Variants in B4GALT1 observed in about 807,000 individuals in gnomAD.
B4GALT1 encodes N-acetyllactosamine synthase.
A neutral mutation model predicts 34.9 loss-of-function variants in B4GALT1; 16 were observed. That is an observed-to-expected ratio of 0.46 (90% CI 0.31 to 0.70). The LOEUF (loss-of-function observed/expected upper bound fraction) is 0.70. B4GALT1 is among the 30% of genes least tolerant of loss of function. B4GALT1 has a pLI of 0.05. For synonymous variants in B4GALT1, 221 were observed against 218.1 expected, an observed-to-expected ratio of 1.01 and a Z score of -0.12; for missense variants, 445 against 530.5, an observed-to-expected ratio of 0.84 and a Z score of 1.58.
chr9:33,118,136 A>G (rs770192667), intron 3 of B4GALT1, among the ~76,000 whole-genome samples: 1 of 152,210 alleles, frequency 6.6e-6, no homozygotes, highest in Non-Finnish European at 1.5e-5. Context: ...AAGAAGATAC[A>G]CACACGGAGA....
chr9:33,147,245 CTTT>C lies in B4GALT1; in HGVS notation c.413-11824_413-11822del, dbSNP rs59219360. On this transcript the variant is annotated intron_variant, in intron 1 of 5. Coordinates refer to ENST00000379731, the MANE Select transcript of B4GALT1 (RefSeq NM_001497.4). ...CACTCTAAGAGGAAGACAAGTCATT[CTTT>C]TTTTTTTTTTTTTTTTCCCCCTGAG... 4.9e-3 allele frequency among the ~76,000 whole-genome samples: 674 copies of C among 136,518 alleles called. 3 individuals are homozygous for C. Among genetic ancestry groups the C allele is most frequent in the African/African-American group, 0.01 (369 of 36,488 alleles). The allele number at this position is 136,518 out of a possible 152,430, so 89.6% of individuals were successfully genotyped here.
Position 33,167,009 on chromosome 9 carries a change from A to C in B4GALT1, c.161T>G (p.Val54Gly). ...GRDLSRLPQL[V>G]GVSTPLQGGS... ...GCCCTGCAGCGGTGTGGAGACTCCG[A>C]CCAGTTGGGGCAGGCGGCTCAGGTC... Residue 54 changes from valine to glycine, a missense_variant, in exon 1 of 6, where the codon GTC becomes GGC. Val to Gly is a moderately radical substitution (Grantham distance 109, BLOSUM62 -3). Around this residue, in one of 3 missense-constraint regions of B4GALT1, gnomAD observed 349 missense variants for 395.5 expected, o/e 0.88. Transcript: ENST00000379731. The C allele has an allele frequency of 4.4e-6, 7 of 1,597,238 alleles. No homozygotes were observed. The highest frequency in any genetic ancestry group is 5.9e-6 in the Non-Finnish European group (7 of 1,177,654).
At position 33,135,299 on chromosome 9, in the gene B4GALT1, T is replaced by C. The variant is rs201564406; in HGVS notation, c.538A>G (p.Ile180Val). 85 of 1,614,078 alleles carry C rather than the reference T, an allele frequency of 5.3e-5. No individual in the cohort carries two copies. The highest frequency in any genetic ancestry group is 6.8e-5 in the Non-Finnish European group (80 of 1,180,048). The change falls in exon 2 of 6, where the codon ATC becomes GTC. Residue 180 changes from isoleucine (I) to valine (V), a missense_variant. This residue lies in a region of B4GALT1 where 349 missense variants were observed against 395.5 expected (regional missense o/e 0.88). Transcript: ENST00000379731. Reference sequence around the variant, plus strand: ...TGCCGGTTGCGGAATGGAATGATGATGGCCACCTTGTGAGGAGAGACGCAG... The same window carrying C: ...TGCCGGTTGCGGAATGGAATGATGACGGCCACCTTGTGAGGAGAGACGCAG... ...RDCVSPHKVA[I>V]IIPFRNRQEH... is the part of the protein sequence containing the mutation.
intron 4 of B4GALT1, among the ~76,000 whole-genome samples, 168 bp from the exon 5 acceptor site, chr9:33,114,046 C>G (rs1839904955): frequency 6.6e-6 from 1 of 152,234 alleles, no homozygotes; most frequent in Non-Finnish European, 1.5e-5. Context: ...GGTTAAAACT[C>G]ACATTCCGAC....
At chr9:33,182,126 G>T in the B4GALT1 span, among the ~76,000 whole-genome samples, 4 of 152,186 alleles carry the variant, frequency 2.6e-5, no homozygotes, top group Middle Eastern at 3.4e-3. Context: ...AAAACTCTAA[G>T]AAAGAATTCT....
intron 1 of B4GALT1, among the ~76,000 whole-genome samples, chr9:33,151,053 G>A (rs1840510557): frequency 6.6e-6 from 1 of 152,152 alleles, no homozygotes; most frequent in Non-Finnish European, 1.5e-5. Flanking sequence ...GTACAAAGGA[G>A]GGGGACCCCA....
At chr9:33,144,887 A>T (rs750708762) in intron 1 of B4GALT1, among the ~76,000 whole-genome samples, 14 of 152,220 alleles carry the variant, frequency 9.2e-5, no homozygotes, top group Non-Finnish European at 2.1e-4. Flanking sequence ...GTATTGACCC[A>T]CACTGCACTT....
intron 1 of B4GALT1, among the ~76,000 whole-genome samples, chr9:33,143,197 C>T (rs1006132504): frequency 5.9e-5 from 9 of 152,000 alleles, no homozygotes; most frequent in Admixed American, 5.2e-4. Context: ...AGACAAGGTC[C>T]ACACAGCAGA....
At chr9:33,178,665 A>G in the B4GALT1 span, among the ~76,000 whole-genome samples, 1 of 152,188 alleles carries the variant, frequency 6.6e-6, no homozygotes, top group Non-Finnish European at 1.5e-5. Flanking sequence ...TATACCCAAG[A>G]CAGGATATGT....
chr9:33,184,488 C>T, the B4GALT1 span, among the ~76,000 whole-genome samples: 7 of 152,198 alleles, frequency 4.6e-5, no homozygotes, highest in Non-Finnish European at 1.0e-4. Context: ...TTACTTTACA[C>T]ATAGGAAGTG....
the B4GALT1 span, among the ~76,000 whole-genome samples, chr9:33,175,715 A>G: frequency 1.3e-5 from 2 of 152,196 alleles, no homozygotes; most frequent in Non-Finnish European, 2.9e-5. Context: ...GTACAGTAAC[A>G]TGTTGTGCAG....
intron 2 of B4GALT1, among the ~76,000 whole-genome samples, chr9:33,129,593 C>T (rs944474066): frequency 6.6e-6 from 1 of 152,166 alleles, no homozygotes; most frequent in Non-Finnish European, 1.5e-5. Flanking sequence ...TGACTATGTA[C>T]CAGCTGTGTG....
chr9:33,148,804 TAA>T (rs72391353), intron 1 of B4GALT1, among the ~76,000 whole-genome samples: 51 of 127,664 alleles, frequency 4.0e-4, no homozygotes, highest in Admixed American at 5.6e-4. Flanking sequence ...TGCCTAAAAG[TAA>T]AAAAAAAAAA....
upstream of B4GALT1, among the ~76,000 whole-genome samples, chr9:33,171,131 A>G (rs1564057721): frequency 6.6e-6 from 1 of 152,224 alleles, no homozygotes; most frequent in Non-Finnish European, 1.5e-5. Context: ...TCAGTCATCT[A>G]TTGCAGCGTA....
intron 1 of B4GALT1, among the ~76,000 whole-genome samples, chr9:33,142,015 ACT>A (rs966347371): frequency 4.1e-4 from 62 of 151,684 alleles, no homozygotes; most frequent in Admixed American, 1.4e-3. Flanking sequence ...ACGGAGTCTC[ACT>A]CTGTCGCCAG....
intron 1 of B4GALT1, among the ~76,000 whole-genome samples, chr9:33,151,709 C>T (rs958204104): frequency 6.6e-6 from 1 of 152,242 alleles, no homozygotes; most frequent in African/African-American, 2.4e-5. Flanking sequence ...TTACAAATTA[C>T]TACAGCTCTA....
intron 1 of B4GALT1, among the ~76,000 whole-genome samples, chr9:33,159,531 T>C (rs753451030): frequency 1.3e-5 from 2 of 152,224 alleles, no homozygotes; most frequent in East Asian, 1.9e-4. Context: ...CTTCAAAGTA[T>C]ACTCCTTGGG....
At chr9:33,120,336 C>T in intron 3 of B4GALT1, 83 bp downstream of exon 3, 1 of 1,513,624 alleles carries the variant, frequency 6.6e-7, no homozygotes, top group Non-Finnish European at 9.2e-7. Context: ...TAAAGAGGCA[C>T]TCTTGAGCTG....
At chr9:33,127,865 C>T (rs907250763) in intron 2 of B4GALT1, among the ~76,000 whole-genome samples, 11 of 152,236 alleles carry the variant, frequency 7.2e-5, no homozygotes, top group African/African-American at 2.2e-4. Context: ...CCCTGTATGA[C>T]GGGCTGGCTT....
Sources: gnomAD v4.1 joint callset for allele counts (sites outside exome capture counted in the v4.1 genomes callset) on GRCh38, gnomAD v4.1.1 for gene constraint, gnomAD v4.1.1 regional missense constraint, MANE v1.5 for transcripts, NCBI Gene and HGNC (gene_info 2026-07-23, HGNC 2026-07-21) for gene names.